The following KDM2A variants were observed in gnomAD, a reference collection of about 807,000 sequenced individuals.
KDM2A encodes the protein lysine demethylase 2A.
KDM2A carries 3 observed loss-of-function variants against 137.3 expected under a neutral mutation model. The observed-to-expected ratio is 0.02, with a 90% confidence interval of 0.01 to 0.06. The LOEUF is 0.06. Ranked by LOEUF, KDM2A falls within the 10% of genes least tolerant of loss-of-function variation. The pLI is 1.00. For synonymous variants in KDM2A, 512 were observed against 541.5 expected, an observed-to-expected ratio of 0.95 and a Z score of 0.76; for missense variants, 738 against 1,510.6, an observed-to-expected ratio of 0.49 and a Z score of 8.48.
At chr11:67,128,271 G>C (rs1380298589) in intron 2 of KDM2A, among the ~76,000 whole-genome samples, 3 of 151,952 alleles carry the variant, frequency 2.0e-5, no homozygotes, top group African/African-American at 7.2e-5. Flanking sequence ...GGCCTCTCCA[G>C]CCTCCCCAGC....
intron 2 of KDM2A, among the ~76,000 whole-genome samples, chr11:67,138,921 T>C (rs12282851): frequency 0.088 from 13,358 of 152,258 alleles, 1,983 homozygotes; most frequent in African/African-American, 0.3. Flanking sequence ...CTAGAGGTAG[T>C]TACCTTAATT....
At chr11:67,231,269 A>G (rs1327482766) in intron 11 of KDM2A, among the ~76,000 whole-genome samples, 1 of 152,168 alleles carries the variant, frequency 6.6e-6, no homozygotes, top group Non-Finnish European at 1.5e-5. Context: ...TGACTTTACA[A>G]CCACTTTGAT....
At chr11:67,221,454 A>G (rs764296596) in intron 10 of KDM2A, among the ~76,000 whole-genome samples, 9 of 152,340 alleles carry the variant, frequency 5.9e-5, no homozygotes, top group Non-Finnish European at 7.3e-5. Context: ...TCTTTTATAT[A>G]TTATAGGAAT....
chr11:67,195,827 A>G (rs941515461), intron 5 of KDM2A: 2 of 220,334 alleles, frequency 9.1e-6, no homozygotes, highest in African/African-American at 4.7e-5. Flanking sequence ...TTGCCTGTGT[A>G]TTTACCCAGT....
intron 5 of KDM2A, among the ~76,000 whole-genome samples, chr11:67,183,079 T>C (rs1857125825): frequency 6.6e-6 from 1 of 152,196 alleles, no homozygotes; most frequent in Non-Finnish European, 1.5e-5. Flanking sequence ...AGAGGAAAGT[T>C]CCCAAATCTC....
In KDM2A at chr11:67,130,245, G is replaced by C. The variant is rs1046000103; in HGVS notation, c.42+8887G>C. ...TTGAACTCATACTTCGTGTTTACTC[G>C]AGTCTGAGTCACGGCACCTGACTTC... On this transcript the variant is annotated intron_variant, in intron 2 of 20. Coordinates refer to ENST00000529006, the MANE Select transcript of KDM2A (RefSeq NM_012308.3). Among the ~76,000 whole-genome samples, 4 of 151,906 alleles carry C rather than the reference G, an allele frequency of 2.6e-5. No homozygotes were observed. The South Asian group carries it at 6.2e-4, about 24-fold the overall frequency.
intron 10 of KDM2A, among the ~76,000 whole-genome samples, chr11:67,222,085 A>AT (rs1171638161): frequency 3.6e-5 from 3 of 84,056 alleles, no homozygotes; most frequent in Non-Finnish European, 7.0e-5. Context: ...TTTTTAATTT[A>AT]TTTTTTTATT....
rs920180693 is a variant in KDM2A, at chr11:67,228,247, A to G, written c.1084+84A>G. On this transcript the variant is annotated intron_variant, in intron 11 of 20. Coordinates refer to ENST00000529006, the MANE Select transcript of KDM2A (RefSeq NM_012308.3). ...GAAATACTCAGTAGGCTGTCACTCA[A>G]TATGTTCTTGGTTTTTTAATTCATC... 13 of 1,439,590 alleles carry G rather than the reference A, an allele frequency of 9.0e-6. No individual in the cohort carries two copies. The East Asian group carries it at 9.2e-5, about 10-fold the overall frequency. The allele number at this position is 1,439,590 out of a possible 1,614,324, so 89.2% of individuals were successfully genotyped here.
At chr11:67,172,341 G>C (rs1856896134) in intron 2 of KDM2A, among the ~76,000 whole-genome samples, 1 of 152,150 alleles carries the variant, frequency 6.6e-6, no homozygotes, top group South Asian at 2.1e-4. Flanking sequence ...ATTTTGATAA[G>C]AATTGCTTTG....
chr11:67,253,366 A>G, intron 18 of KDM2A, 87 bp from the exon 19 acceptor site: 1 of 1,173,976 alleles, frequency 8.5e-7, no homozygotes, highest in South Asian at 1.4e-5. Context: ...ATTAGACTGG[A>G]AGTTTGTTCA....
chr11:67,140,091 T>G (rs1410175284), intron 2 of KDM2A, among the ~76,000 whole-genome samples: 2 of 152,088 alleles, frequency 1.3e-5, no homozygotes, highest in African/African-American at 2.4e-5. Context: ...TTGGGTACGG[T>G]GGCTTACACC....
chr11:67,197,487 C>T (rs979105290), intron 5 of KDM2A, among the ~76,000 whole-genome samples: 6 of 152,162 alleles, frequency 3.9e-5, no homozygotes, highest in Non-Finnish European at 8.8e-5. Flanking sequence ...CAGTGACTAA[C>T]TTTCTATCCA....
chr11:67,158,192 T>C (rs961184698), intron 2 of KDM2A, among the ~76,000 whole-genome samples: 4 of 152,200 alleles, frequency 2.6e-5, no homozygotes, highest in Non-Finnish European at 5.9e-5. Context: ...GTTGGAATCA[T>C]ACAGCTTTTT....
At chr11:67,145,988 G>GTTTTT (rs1217118907) in intron 2 of KDM2A, among the ~76,000 whole-genome samples, 5 of 131,458 alleles carry the variant, frequency 3.8e-5, no homozygotes, top group African/African-American at 5.6e-5. Flanking sequence ...TTTTTGTTTT[G>GTTTTT]TTTTTTTTTG....
intron 12 of KDM2A, among the ~76,000 whole-genome samples, chr11:67,234,587 G>T (rs1368207089): frequency 6.6e-6 from 1 of 152,176 alleles, no homozygotes; most frequent in Non-Finnish European, 1.5e-5. Context: ...TACTGACTTG[G>T]GCTGAGCCCA....
At chr11:67,201,066 C>T (rs894011278) in intron 5 of KDM2A, among the ~76,000 whole-genome samples, 5 of 151,576 alleles carry the variant, frequency 3.3e-5, no homozygotes, top group Admixed American at 1.3e-4. Flanking sequence ...TGGTGGCGGG[C>T]GCTTGTAGTC....
At chr11:67,247,282 G>T (rs962103175) in intron 15 of KDM2A, among the ~76,000 whole-genome samples, 3 of 149,128 alleles carry the variant, frequency 2.0e-5, no homozygotes, top group African/African-American at 4.9e-5. Context: ...TAGAGATGGG[G>T]TGTCACCGTG....
intron 2 of KDM2A, among the ~76,000 whole-genome samples, chr11:67,159,764 C>A (rs1031484537): frequency 1.3e-5 from 2 of 152,134 alleles, no homozygotes; most frequent in Non-Finnish European, 2.9e-5. Flanking sequence ...CATACCTTAC[C>A]TTTTTCCCTC....
At chr11:67,140,945 G>A (rs1306488824) in intron 2 of KDM2A, among the ~76,000 whole-genome samples, 15 of 152,020 alleles carry the variant, frequency 9.9e-5, no homozygotes, top group Admixed American at 8.5e-4. Context: ...TTTAAAAAAC[G>A]CTATATTTTA....
Sources: allele counts gnomAD v4.1 joint callset (sites outside exome capture counted in the v4.1 genomes callset), GRCh38; gene constraint gnomAD v4.1.1; transcripts MANE v1.5; gene names NCBI Gene and HGNC (gene_info 2026-07-23, HGNC 2026-07-21).